SMC1B: variants seen among roughly 807,000 people sequenced by gnomAD.
SMC1B encodes the protein structural maintenance of chromosomes protein 1B.
SMC1B carries 60 observed loss-of-function variants against 157.9 expected under a neutral mutation model. The observed-to-expected ratio is 0.38, with a 90% CI of 0.31 to 0.47. SMC1B has a LOEUF of 0.47. SMC1B is among the 20% of genes least tolerant of loss of function. The pLI is 0.99. For missense variants in SMC1B, 1,165 were observed against 1,426.2 expected (o/e 0.82, Z 2.95); for synonymous variants, 445 against 483.0 (o/e 0.92, Z 1.03).
intron 6 of SMC1B, 42 bp downstream of exon 6, chr22:45,399,053 A>G (rs916494231): frequency 1.3e-6 from 2 of 1,566,598 alleles, no homozygotes; most frequent in African/African-American, 2.8e-5. Flanking sequence ...AGCAGCTGAA[A>G]TAATAGAAAC....
intron 1 of SMC1B, among the ~76,000 whole-genome samples, chr22:45,410,454 G>A (rs2087318924): frequency 6.6e-6 from 1 of 152,148 alleles, no homozygotes; most frequent in Non-Finnish European, 1.5e-5. Flanking sequence ...TGTAATCCCA[G>A]CACTTTGGGA....
intron 21 of SMC1B, 58 bp downstream of exon 21, chr22:45,353,920 A>AAAAAAAC: frequency 1.2e-6 from 1 of 810,948 alleles, no homozygotes; most frequent in Non-Finnish European, 1.8e-6. Context: ...AAAAAAAAAA[A>AAAAAAAC]CAACCACCAC....
Position 45,408,699 on chromosome 22 carries a change from TA to T in SMC1B, c.298+10del, listed in dbSNP as rs2087292966. Reference sequence around the variant, plus strand: ...TGAAAAATAAAATGAAAAAAAATTATAAAAAAATACCTCGGATAATCCTTGC... The same window carrying T: ...TGAAAAATAAAATGAAAAAAAATTATAAAAAATACCTCGGATAATCCTTGC... On this transcript the variant is annotated intron_variant, in intron 2 of 24. Transcript: ENST00000357450. The T allele has an allele frequency of 7.1e-6, 11 of 1,554,350 alleles. No homozygotes were observed. The highest frequency in any genetic ancestry group is 6.5e-5 in the Admixed American group (3 of 45,894).
At position 45,383,515 on chromosome 22, in the gene SMC1B, C is replaced by G. The variant is rs766630772; in HGVS notation, c.2010G>C (p.Glu670Asp). 2.5e-6 allele frequency: 4 copies of G among 1,610,314 alleles called. No individual in the cohort carries two copies. The highest frequency in any genetic ancestry group is 2.5e-6 in the Non-Finnish European group (3 of 1,178,834). ...TTCGTCTGTCTCTTAGATTCTTTAA[C>G]TCTTTCTCATCCCAGCATCTAGCCT... ...KYKARCWDEKELKNLRDRRSQ... is the reference protein window; with the variant it reads ...KYKARCWDEKDLKNLRDRRSQ... Residue 670 changes from glutamate to aspartate, a missense_variant, in exon 12 of 25, where the codon GAG becomes GAC. Coordinates refer to ENST00000357450, the MANE Select transcript of SMC1B (RefSeq NM_148674.5).
intron 12 of SMC1B, among the ~76,000 whole-genome samples, chr22:45,380,507 T>G (rs1444043935): frequency 6.6e-6 from 1 of 152,230 alleles, no homozygotes; most frequent in African/African-American, 2.4e-5. Flanking sequence ...TACTTCATAT[T>G]TGTAATTTTA....
chr22:45,399,162 C>T lies in SMC1B; in HGVS notation c.1046G>A (p.Ser349Asn). ...TTCTTCCTCAATCTGCTTTTCAAAA[C>T]TTCTCCATGCAGCATCTAAATCAGC... ...ELADLDAAWR[S>N]FEKQIEEEIL... is the part of the protein sequence containing the mutation. The change falls in exon 6 of 25, where the codon AGT (serine) becomes AAT (asparagine). Residue 349 changes from serine to asparagine, a missense_variant. Transcript: ENST00000357450. 1 of 1,614,004 alleles carries T rather than the reference C, an allele frequency of 6.2e-7. No homozygotes were observed. Among genetic ancestry groups the T allele is most frequent in the Non-Finnish European group, 8.5e-7 (1 of 1,179,942 alleles).
intron 20 of SMC1B, among the ~76,000 whole-genome samples, chr22:45,354,483 C>G (rs1345339859): frequency 6.6e-6 from 1 of 152,076 alleles, no homozygotes; most frequent in Non-Finnish European, 1.5e-5. Flanking sequence ...CTCCACCTCC[C>G]AGGTTCAAGC....
At chr22:45,359,508 G>A (rs926170613) in intron 18 of SMC1B, among the ~76,000 whole-genome samples, 2 of 152,204 alleles carry the variant, frequency 1.3e-5, no homozygotes, top group African/African-American at 4.8e-5. Flanking sequence ...GATGTAAAAT[G>A]TTATGAGAGT....
rs539618815 is a variant in SMC1B at position 45,346,330 on chromosome 22, G to A, written c.3496-761C>T. 4.1e-4 allele frequency among the ~76,000 whole-genome samples: 62 copies of A among 152,320 alleles called. 2 individuals carry two copies. In the South Asian group the frequency reaches 0.012, roughly 30 times the overall value. On this transcript the variant is annotated intron_variant, in intron 23 of 24. Coordinates refer to ENST00000357450, the MANE Select transcript of SMC1B (RefSeq NM_148674.5). The stretch of plus-strand genomic sequence containing the variant: ...CCATAATCAAGTCATTTGGTTAGAG[G>A]TGAACTCTGGTTCCCTAAGGAAGCT...
rs771108177 is a variant in SMC1B, at chr22:45,355,070, A to G, written c.3007T>C (p.Leu1003=). ...QEIEAHLRLL[L]QQVASQEDIL... ...TCTTCCTGGGATGCTACTTGCTGCA[A>G]TAAGAGCCTAAGGTGGGCCTCGATT... The change falls in exon 20 of 25, where the codon TTG becomes CTG. Residue 1003 remains leucine, a synonymous_variant. Coordinates refer to ENST00000357450, the MANE Select transcript of SMC1B (RefSeq NM_148674.5). 3.1e-6 allele frequency: 5 copies of G among 1,614,198 alleles called. No homozygotes were observed. The highest frequency in any genetic ancestry group is 2.2e-5 in the East Asian group (1 of 44,884).
At chr22:45,356,582 T>C (rs968556756) in intron 19 of SMC1B, among the ~76,000 whole-genome samples, 5 of 152,106 alleles carry the variant, frequency 3.3e-5, no homozygotes, top group African/African-American at 1.2e-4. Flanking sequence ...TGAATCCATA[T>C]ATCGCAAGAG....
At chr22:45,350,961 G>A (rs928896024) in intron 22 of SMC1B, among the ~76,000 whole-genome samples, 2 of 152,092 alleles carry the variant, frequency 1.3e-5, no homozygotes, top group Non-Finnish European at 1.5e-5. Context: ...CTCTGGCCTC[G>A]GGGCCTTTTG....
rs3833396 is a variant in SMC1B at position 45,353,893 on chromosome 22, C to CAAAAAAAAAAAAAAAAAAA, written c.3273+66_3273+84dup. The stretch of plus-strand genomic sequence containing the variant: ...TAATGTGGCAGTGGTTATTTCCCAC[C>CAAAAAAAAAAAAAAAAAAA]AAAAAAAAAAAAAAAAAAAAAAAAA... On this transcript the variant is annotated intron_variant, in intron 21 of 24. Transcript: ENST00000357450. The CAAAAAAAAAAAAAAAAAAA allele has an allele frequency of 7.8e-3, 1,921 of 247,482 alleles. 610 individuals carry two copies. Among genetic ancestry groups the CAAAAAAAAAAAAAAAAAAA allele is most frequent in the Non-Finnish European group, 9.8e-3 (1,441 of 146,900 alleles). 15.3% of individuals were successfully genotyped at this position (247,482 alleles called of 1,614,324 possible).
At chr22:45,406,929 C>A in intron 2 of SMC1B, 64 bp from the exon 3 acceptor site, 1 of 1,125,034 alleles carries the variant, frequency 8.9e-7, no homozygotes. Flanking sequence ...CAAAATCCAC[C>A]GAAAGTTTAA....
At chr22:45,395,756 C>T (rs2087115520) in intron 7 of SMC1B, among the ~76,000 whole-genome samples, 1 of 152,168 alleles carries the variant, frequency 6.6e-6, no homozygotes, top group African/African-American at 2.4e-5. Context: ...ACTCAGGAGG[C>T]TGAGACAGGA....
chr22:45,371,260 G>C (rs2086827978), intron 14 of SMC1B, among the ~76,000 whole-genome samples: 5 of 152,204 alleles, frequency 3.3e-5, no homozygotes, highest in Admixed American at 2.6e-4. Context: ...AGTAGGCACA[G>C]GTCATTGTCT....
chr22:45,348,950 C>A (rs1043001962), intron 23 of SMC1B, among the ~76,000 whole-genome samples: 1 of 150,658 alleles, frequency 6.6e-6, no homozygotes, highest in Non-Finnish European at 1.5e-5. Flanking sequence ...GCAATCCACC[C>A]GCCTCAGCCT....
chr22:45,373,004 C>T (rs953955524), intron 12 of SMC1B, among the ~76,000 whole-genome samples: 1 of 152,096 alleles, frequency 6.6e-6, no homozygotes, highest in African/African-American at 2.4e-5. Flanking sequence ...TGAGCCACCG[C>T]ACCCGGCTGA....
chr22:45,395,982 A>C (rs1025415754), intron 7 of SMC1B, among the ~76,000 whole-genome samples: 1 of 152,236 alleles, frequency 6.6e-6, no homozygotes, highest in Non-Finnish European at 1.5e-5. Flanking sequence ...TAACATGTAA[A>C]GATGAATAGG....
Sources: allele counts gnomAD v4.1 joint callset (sites outside exome capture counted in the v4.1 genomes callset), GRCh38; gene constraint gnomAD v4.1.1; transcripts MANE v1.5; gene names NCBI Gene and HGNC (gene_info 2026-07-23, HGNC 2026-07-21).